Variants in HEATR1 observed in about 807,000 individuals in gnomAD.
HEATR1 encodes the protein HEAT repeat containing 1.
In HEATR1, 77 loss-of-function variants were observed where a neutral mutation model predicts 248.2. The ratio of observed to expected loss-of-function variants is 0.31; its 90% CI spans 0.26 to 0.37. The LOEUF is 0.37. Ranked by LOEUF, HEATR1 falls within the 10% of genes least tolerant of loss-of-function variation. HEATR1 has a pLI of 1.00. For synonymous variants in HEATR1, 897 were observed against 923.1 expected, an observed-to-expected ratio of 0.97 and a Z score of 0.51; for missense variants, 2,420 against 2,504.9, an observed-to-expected ratio of 0.97 and a Z score of 0.72.
At position 236,571,713 on chromosome 1, in the gene HEATR1, T is replaced by G. The variant is rs1196005852; in HGVS notation, c.3708-27A>C. On this transcript the variant is annotated intron_variant, in intron 26 of 44. Coordinates refer to ENST00000366582, the MANE Select transcript of HEATR1 (RefSeq NM_018072.6). Reference sequence around the variant, plus strand: ...TTCAGGACACCCAAAAGAGAAATGATGGGAAATGTAAAAGTTGTACAATTC... The same window carrying G: ...TTCAGGACACCCAAAAGAGAAATGAGGGGAAATGTAAAAGTTGTACAATTC... 4 of 1,506,530 alleles carry G rather than the reference T, an allele frequency of 2.7e-6. No homozygotes were observed. The South Asian group carries it at 3.4e-5, about 13-fold the overall frequency. 93.3% of individuals were successfully genotyped at this position (1,506,530 alleles called of 1,614,324 possible). A position where few individuals can be genotyped will look rare whatever the true frequency, so the allele number is the denominator to read the frequency against.
chr1:236,570,041 CACT>C (rs1328156439), intron 28 of HEATR1, among the ~76,000 whole-genome samples: 2 of 152,198 alleles, frequency 1.3e-5, no homozygotes, highest in African/African-American at 4.8e-5. Flanking sequence ...GTAGTTCCAG[CACT>C]TTGGGAGGCC....
chr1:236,557,234 C>T lies in HEATR1; in HGVS notation c.5316G>A (p.Pro1772=), dbSNP rs369936281. 67 of 1,614,094 alleles carry T rather than the reference C, an allele frequency of 4.2e-5. No individual in the cohort carries two copies. In the African/African-American group the frequency reaches 6.1e-4, roughly 15 times the overall value. Residue 1772 remains proline (P), a synonymous_variant, in exon 37 of 45, where the codon CCG becomes CCA. Coordinates refer to ENST00000366582, the MANE Select transcript of HEATR1 (RefSeq NM_018072.6). ...AALQKVVETL[P]HFISPYLEGI... ...CTTCCAGATAGGGGCTGATGAAGTG[C>T]GGGAGAGTCTCCACAACCTTCTGCA... is the stretch of plus-strand genomic sequence containing the variant.
chr1:236,550,836 C>A lies in HEATR1; in HGVS notation c.*66G>T. 1.5e-6 allele frequency: 2 copies of A among 1,290,724 alleles called. No homozygotes were observed. The highest frequency in any genetic ancestry group is 1.1e-6 in the Non-Finnish European group (1 of 922,754). The allele number at this position is 1,290,724 out of a possible 1,614,324, so 80.0% of individuals were successfully genotyped here. A position where few individuals can be genotyped will look rare whatever the true frequency, so the allele number is the denominator to read the frequency against. On this transcript the variant is annotated 3_prime_UTR_variant, in exon 45 of 45. Coordinates refer to ENST00000366582, the MANE Select transcript of HEATR1 (RefSeq NM_018072.6). ...ACCAAAAGTAACATGGCACCCAACA[C>A]CCAAAAATAAAAATATGAAATATGA...
intron 44 of HEATR1, 43 bp from the exon 45 acceptor site, chr1:236,551,033 T>C (rs538792739): frequency 4.6e-5 from 65 of 1,426,068 alleles, no homozygotes; most frequent in Admixed American, 3.8e-4. Context: ...TCTGAGTCAG[T>C]CCGCCTGCCT....
intron 21 of HEATR1, among the ~76,000 whole-genome samples, 188 bp downstream of exon 21, chr1:236,576,592 T>C (rs527255562): frequency 1.9e-4 from 29 of 152,168 alleles, no homozygotes; most frequent in Non-Finnish European, 3.8e-4. Context: ...AAGAACTAAA[T>C]TGAAATATGA....
intron 24 of HEATR1, 103 bp downstream of exon 24, chr1:236,574,099 G>T: frequency 2.0e-6 from 2 of 981,462 alleles, no homozygotes; most frequent in South Asian, 2.9e-5. Context: ...GGTAACATCT[G>T]ACCTCTTACA....
At position 236,550,834 on chromosome 1, in the gene HEATR1, C is replaced by T. The variant is rs1048763159; in HGVS notation, c.*68G>A. 166 of 1,251,596 alleles carry T rather than the reference C, an allele frequency of 1.3e-4. 1 individual carries two copies. In the East Asian group the frequency reaches 3.9e-3, roughly 29 times the overall value. 77.5% of individuals were successfully genotyped at this position (1,251,596 alleles called of 1,614,324 possible). On this transcript the variant is annotated 3_prime_UTR_variant, in exon 45 of 45. Transcript: ENST00000366582. Reference sequence around the variant, plus strand: ...GCACCAAAAGTAACATGGCACCCAACACCCAAAAATAAAAATATGAAATAT... The same window carrying T: ...GCACCAAAAGTAACATGGCACCCAATACCCAAAAATAAAAATATGAAATAT...
At position 236,549,902 on chromosome 1, in the gene HEATR1, C is replaced by G. The variant is rs1662639317; in HGVS notation, c.*1000G>C. 1 of 152,204 alleles carries G rather than the reference C, an allele frequency of 6.6e-6. No individual in the cohort carries two copies. Among genetic ancestry groups the G allele is most frequent in the Non-Finnish European group, 1.5e-5 (1 of 68,038 alleles). The allele number at this position is 152,204 out of a possible 1,614,324, so 9.4% of individuals were successfully genotyped here. On this transcript the variant is annotated 3_prime_UTR_variant, in exon 45 of 45. Transcript: ENST00000366582. ...TTAGAAATATGCACTTCTATACTAG[C>G]AAGCTCTGTCTCTAAAATGCAAGTT...
chr1:236,580,843 T>C (rs1435064334), intron 20 of HEATR1, among the ~76,000 whole-genome samples: 1 of 130,210 alleles, frequency 7.7e-6, no homozygotes, highest in Non-Finnish European at 1.7e-5. Context: ...TTTTTTGAGA[T>C]GGAGTCTCGC....
intron 22 of HEATR1, 101 bp from the exon 23 acceptor site, chr1:236,575,004 C>T: frequency 1.7e-6 from 2 of 1,186,944 alleles, no homozygotes; most frequent in Non-Finnish European, 2.3e-6. Context: ...GGGAGTTTAG[C>T]CTGGAGGAAA....
chr1:236,593,584 GAAAAAA>G lies in HEATR1; in HGVS notation c.1193+422_1193+427del, dbSNP rs534009257. On this transcript the variant is annotated intron_variant, in intron 9 of 44. Transcript: ENST00000366582. ...CACTGTATCGAGTTGCCCATTAAGA[GAAAAAA>G]AAAAAAAAAAAAAAAAAGACTGAAT... 7.9e-3 allele frequency among the ~76,000 whole-genome samples: 720 copies of G among 90,840 alleles called. 6 individuals carry two copies. Among genetic ancestry groups the G allele is most frequent in the South Asian group, 0.012 (30 of 2,454 alleles). 59.6% of individuals were successfully genotyped at this position (90,840 alleles called of 152,430 possible). A position where few individuals can be genotyped will look rare whatever the true frequency, so the allele number is the denominator to read the frequency against.
chr1:236,562,363 T>C (rs935830468), intron 32 of HEATR1, among the ~76,000 whole-genome samples: 3 of 152,230 alleles, frequency 2.0e-5, no homozygotes, highest in African/African-American at 7.2e-5. Context: ...GATTTTCTTC[T>C]AAACATTTGA....
At chr1:236,566,570 T>C in intron 30 of HEATR1, 76 bp downstream of exon 30, 1 of 1,068,606 alleles carries the variant, frequency 9.4e-7, no homozygotes, top group Non-Finnish European at 1.4e-6. Context: ...ATCAGCCCCA[T>C]GTTTAAACTG....
chr1:236,604,255 C>A lies in HEATR1; in HGVS notation c.-32-128G>T, dbSNP rs1049898872. On this transcript the variant is annotated intron_variant, in intron 1 of 44. Transcript: ENST00000366582. ...CGGGTGTCCTGAGATTTGTGGACCC[C>A]GGAGATGCAAAGACGATGGCAGCAG... 5 of 646,732 alleles carry A rather than the reference C, an allele frequency of 7.7e-6. No homozygotes were observed. The East Asian group carries it at 1.7e-4, about 22-fold the overall frequency. The allele number at this position is 646,732 out of a possible 1,614,324, so 40.1% of individuals were successfully genotyped here.
chr1:236,593,642 T>TA (rs1001828446), intron 9 of HEATR1, among the ~76,000 whole-genome samples: 2 of 150,464 alleles, frequency 1.3e-5, no homozygotes, highest in African/African-American at 4.9e-5. Flanking sequence ...ATCCTTACTC[T>TA]ATGCTTACCT....
chr1:236,566,619 CCTTAT>C, intron 30 of HEATR1, 22 bp downstream of exon 30: 1 of 1,507,114 alleles, frequency 6.6e-7, no homozygotes, highest in South Asian at 1.1e-5. Context: ...TCACCATTTT[CCTTAT>C]CTTCCCACCC....
chr1:236,567,020 T>G (rs1175448707), intron 29 of HEATR1, 144 bp from the exon 30 acceptor site: 1 of 622,576 alleles, frequency 1.6e-6, no homozygotes, highest in African/African-American at 1.8e-5. Context: ...AGGGTCTTTC[T>G]CCATGGCCCA....
At chr1:236,583,304 G>T in intron 17 of HEATR1, 108 bp from the exon 18 acceptor site, 1 of 892,416 alleles carries the variant, frequency 1.1e-6, no homozygotes, top group Non-Finnish European at 1.7e-6. Context: ...TGTGCATTTT[G>T]GTGGGGAAAG....
At chr1:236,575,412 C>A (rs1663539309) in intron 22 of HEATR1, among the ~76,000 whole-genome samples, 1 of 152,136 alleles carries the variant, frequency 6.6e-6, no homozygotes, top group Admixed American at 6.5e-5. Flanking sequence ...TTTGTTTACA[C>A]CCTGTCTGTG....
Sources: allele counts gnomAD v4.1 joint callset (sites outside exome capture counted in the v4.1 genomes callset), GRCh38; gene constraint gnomAD v4.1.1; transcripts MANE v1.5; gene names NCBI Gene and HGNC (gene_info 2026-07-23, HGNC 2026-07-21).